The following MICU2 variants were observed in gnomAD, a reference collection of about 807,000 sequenced individuals.
The protein encoded by MICU2 is calcium uptake protein 2, mitochondrial.
MICU2 carries 64 observed loss-of-function variants against 60.4 expected under a neutral mutation model. The observed-to-expected ratio is 1.06, with a 90% CI of 0.87 to 1.31. MICU2 has a LOEUF of 1.31. Among genes scored for constraint, MICU2 ranks in the 50% most tolerant of loss-of-function variants. The probability of loss-of-function intolerance (pLI) is 0.00; values close to 1 mark genes in which losing one functional copy is unlikely to be tolerated. For synonymous variants in MICU2, 201 were observed against 175.0 expected (o/e 1.15, Z -1.17); for missense variants, 569 against 531.0 (o/e 1.07, Z -0.70).
chr13:21,539,841 T>C (rs188416133), intron 2 of MICU2, among the ~76,000 whole-genome samples, 153 bp from the exon 3 acceptor site: 17 of 152,352 alleles, frequency 1.1e-4, no homozygotes, highest in South Asian at 4.1e-4. Context: ...CCTTAAGCCA[T>C]AATCATGAGT....
chr13:21,536,521 T>G (rs919903579), intron 4 of MICU2, among the ~76,000 whole-genome samples: 1 of 152,096 alleles, frequency 6.6e-6, no homozygotes, highest in African/African-American at 2.4e-5. Flanking sequence ...TTTGTAGAGA[T>G]AGAGACTTGC....
intron 2 of MICU2, among the ~76,000 whole-genome samples, chr13:21,542,378 A>G (rs1887304709): frequency 6.6e-6 from 1 of 152,236 alleles, no homozygotes; most frequent in Non-Finnish European, 1.5e-5. Flanking sequence ...GATAAAACCC[A>G]TCTGGCAAAT....
At chr13:21,517,050 A>AT (rs1199744086) in intron 6 of MICU2, among the ~76,000 whole-genome samples, 1 of 152,184 alleles carries the variant, frequency 6.6e-6, no homozygotes, top group African/African-American at 2.4e-5. Context: ...CACAGTTGCT[A>AT]TTTTTTATTA....
chr13:21,554,199 A>G (rs1040865565), intron 2 of MICU2, among the ~76,000 whole-genome samples: 1 of 152,182 alleles, frequency 6.6e-6, no homozygotes, highest in Non-Finnish European at 1.5e-5. Context: ...ACATCTACAG[A>G]ACTCTCCACC....
chr13:21,584,021 T>C (rs1888405252), intron 1 of MICU2, among the ~76,000 whole-genome samples: 1 of 152,228 alleles, frequency 6.6e-6, no homozygotes, highest in Non-Finnish European at 1.5e-5. Context: ...ATATTTTCCT[T>C]TGAAATATCT....
chr13:21,549,374 T>C (rs994386287), intron 2 of MICU2, among the ~76,000 whole-genome samples: 1 of 152,136 alleles, frequency 6.6e-6, no homozygotes, highest in Non-Finnish European at 1.5e-5. Flanking sequence ...CTACAGTATA[T>C]GGTGGCAAAG....
intron 1 of MICU2, among the ~76,000 whole-genome samples, chr13:21,587,739 T>G (rs557432375): frequency 6.6e-6 from 1 of 152,336 alleles, no homozygotes; most frequent in East Asian, 1.9e-4. Flanking sequence ...AGTCATTAAT[T>G]AGTACCTATG....
At chr13:21,521,470 A>G in intron 5 of MICU2, 143 bp from the exon 6 acceptor site, 2 of 611,698 alleles carry the variant, frequency 3.3e-6, no homozygotes, top group Non-Finnish European at 5.5e-6. Context: ...TCTTATAACA[A>G]TTCCAAAGGC....
chr13:21,534,923 T>G (rs983061127), intron 4 of MICU2, among the ~76,000 whole-genome samples: 2 of 152,138 alleles, frequency 1.3e-5, no homozygotes, highest in Non-Finnish European at 2.9e-5. Flanking sequence ...TGGAAGCTGT[T>G]TAGCAGGGAG....
intron 2 of MICU2, among the ~76,000 whole-genome samples, chr13:21,540,132 A>G (rs935472688): frequency 2.0e-5 from 3 of 152,204 alleles, no homozygotes; most frequent in Admixed American, 1.3e-4. Context: ...ATAACTCTCC[A>G]GTCAAATGTA....
intron 2 of MICU2, among the ~76,000 whole-genome samples, chr13:21,548,921 GTTTTTT>G (rs34908034): frequency 7.0e-5 from 6 of 86,318 alleles, no homozygotes; most frequent in African/African-American, 1.7e-4. Flanking sequence ...AAGTTTGAGA[GTTTTTT>G]TTTTTTTTTT....
rs181421649 is a variant in MICU2 at position 21,588,842 on chromosome 13, C to T, written c.210+15097G>A. 1.3e-4 allele frequency among the ~76,000 whole-genome samples: 20 copies of T among 152,240 alleles called. No homozygotes were observed. The East Asian group carries it at 1.5e-3, about 12-fold the overall frequency. ...CTGTTTAGACACAATTAGAATCTCG[C>T]GGGGAATACCAGATCAATTTAAAGC... On this transcript the variant is annotated intron_variant, in intron 1 of 11. Coordinates refer to ENST00000382374, the MANE Select transcript of MICU2 (RefSeq NM_152726.3).
In MICU2 at chr13:21,496,098, A is replaced by G; in HGVS notation, c.996T>C (p.Ala332=). ...CHFTTHLEDF[A]IAMQMFSLAH... ...CTAAACTGAACATCTGCATGGCAAT[A>G]GCAAAGTCTTCCAAGTGGGTTGTAA... The change falls in exon 10 of 12, where the codon GCT becomes GCC. Residue 332 remains alanine (A), a synonymous_variant. Coordinates refer to ENST00000382374, the MANE Select transcript of MICU2 (RefSeq NM_152726.3). The G allele has an allele frequency of 6.2e-7, 1 of 1,614,150 alleles. No homozygotes were observed. Among genetic ancestry groups the G allele is most frequent in the Non-Finnish European group, 8.5e-7 (1 of 1,180,000 alleles).
intron 2 of MICU2, among the ~76,000 whole-genome samples, chr13:21,544,121 G>T (rs1221670375): frequency 1.3e-5 from 2 of 152,122 alleles, no homozygotes; most frequent in African/African-American, 4.8e-5. Flanking sequence ...GCAGAAGAAT[G>T]AAACCAGATC....
intron 1 of MICU2, 191 bp downstream of exon 1, chr13:21,603,748 C>A: frequency 1.6e-6 from 1 of 619,278 alleles, no homozygotes; most frequent in Non-Finnish European, 2.8e-6. Context: ...GCCTCGAAGG[C>A]CCTCGGGGAC....
chr13:21,525,677 C>T (rs1566147618), intron 4 of MICU2, among the ~76,000 whole-genome samples: 1 of 151,598 alleles, frequency 6.6e-6, no homozygotes, highest in Non-Finnish European at 1.5e-5. Flanking sequence ...TGATTAGTGA[C>T]GTTGAGTACC....
chr13:21,575,421 T>TA (rs11369175), intron 1 of MICU2, among the ~76,000 whole-genome samples: 48,728 of 140,860 alleles, frequency 0.35, 8,516 homozygotes, highest in South Asian at 0.41. Flanking sequence ...TTCGAATGAT[T>TA]AAAAAAAAAA....
In MICU2 at chr13:21,529,704, G is replaced by C. The variant is rs112944941; in HGVS notation, c.467-7054C>G. ...TCAGGCACTGTGTCAGAAGTTTCAT[G>C]TAAGTCACTGTAACCTTGAAGTAGA... On this transcript the variant is annotated intron_variant, in intron 4 of 11. Transcript: ENST00000382374. 3.3e-3 allele frequency among the ~76,000 whole-genome samples: 510 copies of C among 152,314 alleles called. 2 individuals are homozygous for C. The highest frequency in any genetic ancestry group is 0.012 in the African/African-American group (492 of 41,556).
chr13:21,576,225 A>G (rs745593274), intron 1 of MICU2, among the ~76,000 whole-genome samples: 2 of 152,368 alleles, frequency 1.3e-5, no homozygotes, highest in Non-Finnish European at 2.9e-5. Flanking sequence ...TTTGAATAGA[A>G]AACTAGCAAC....
Sources: allele counts gnomAD v4.1 joint callset (sites outside exome capture counted in the v4.1 genomes callset), GRCh38; gene constraint gnomAD v4.1.1; transcripts MANE v1.5; gene names NCBI Gene and HGNC (gene_info 2026-07-23, HGNC 2026-07-21).